ADGRB3: variants seen among roughly 807,000 people sequenced by gnomAD.
ADGRB3 encodes the protein brain-specific angiogenesis inhibitor 3.
A neutral mutation model predicts 193.4 loss-of-function variants in ADGRB3; 37 were observed. That is an observed-to-expected ratio of 0.19 (90% confidence interval 0.15 to 0.25). The LOEUF (loss-of-function observed/expected upper bound fraction) is 0.25, where lower values mean the gene tolerates loss of function less well. Among genes scored for constraint, ADGRB3 ranks in the 10% least tolerant of loss-of-function variants. The pLI is 1.00. For missense variants in ADGRB3, 1,637 were observed against 1,852.9 expected (o/e 0.88, Z 2.14); for synonymous variants, 690 against 644.2 (o/e 1.07, Z -1.08).
At chr6:69,304,890 A>C (rs1164362246) in intron 20 of ADGRB3, among the ~76,000 whole-genome samples, 2 of 151,532 alleles carry the variant, frequency 1.3e-5, no homozygotes, top group African/African-American at 2.4e-5. Flanking sequence ...CTGGTCTCCA[A>C]ATCTGTGGTG....
chr6:68,849,324 T>C (rs2127390313), intron 3 of ADGRB3, among the ~76,000 whole-genome samples: 1 of 151,838 alleles, frequency 6.6e-6, no homozygotes, highest in South Asian at 2.1e-4. Flanking sequence ...AAGCTACACA[T>C]TTAAGTTAAA....
chr6:69,078,013 T>G (rs971213536), intron 17 of ADGRB3, among the ~76,000 whole-genome samples: 3 of 151,996 alleles, frequency 2.0e-5, no homozygotes, highest in African/African-American at 7.2e-5. Flanking sequence ...TTCTTCTATT[T>G]TGACTATATT....
chr6:68,657,230 A>C (rs146238837), intron 3 of ADGRB3, among the ~76,000 whole-genome samples: 1 of 151,564 alleles, frequency 6.6e-6, no homozygotes, highest in East Asian at 1.9e-4. Flanking sequence ...ATTTATCAAA[A>C]AATTTCCCCA....
chr6:68,966,408 A>G (rs544895276), intron 8 of ADGRB3, among the ~76,000 whole-genome samples: 55 of 152,092 alleles, frequency 3.6e-4, no homozygotes, highest in Non-Finnish European at 4.6e-4. Flanking sequence ...ACCTCATCAT[A>G]TATTACCCCT....
At chr6:68,670,734 C>G (rs892733928) in intron 3 of ADGRB3, among the ~76,000 whole-genome samples, 1 of 151,836 alleles carries the variant, frequency 6.6e-6, no homozygotes, top group Non-Finnish European at 1.5e-5. Flanking sequence ...ATAGCTTTAG[C>G]TTTTCTGGGT....
intron 19 of ADGRB3, 100 bp downstream of exon 19, chr6:69,235,235 A>G: frequency 2.2e-6 from 2 of 925,240 alleles, no homozygotes; most frequent in South Asian, 1.6e-5. Context: ...TTCTTAATTT[A>G]CTGAAAGCAG....
intron 17 of ADGRB3, among the ~76,000 whole-genome samples, chr6:69,231,273 A>AT (rs1171701123): frequency 6.6e-6 from 1 of 152,240 alleles, no homozygotes. Flanking sequence ...ATGAAGTCTG[A>AT]TTACATGGAT....
In ADGRB3 at chr6:69,079,503, T is replaced by A. The variant is rs542633656; in HGVS notation, c.2480+3465T>A. Reference sequence around the variant, plus strand: ...GGGCAAAAGCTAGAAGCATTCCCTTTGAAAACTGGCACAAGACAAGGATGC... The same window carrying A: ...GGGCAAAAGCTAGAAGCATTCCCTTAGAAAACTGGCACAAGACAAGGATGC... On this transcript the variant is annotated intron_variant, in intron 17 of 31. Coordinates refer to ENST00000370598, the MANE Select transcript of ADGRB3 (RefSeq NM_001704.3). 3.9e-5 allele frequency among the ~76,000 whole-genome samples: 6 copies of A among 152,204 alleles called. No homozygotes were observed. The East Asian group carries it at 1.2e-3, about 29-fold the overall frequency.
At position 69,018,494 on chromosome 6, in the gene ADGRB3, A is replaced by G; in HGVS notation, c.2102A>G (p.Asn701Ser). The G allele has an allele frequency of 6.3e-7, 1 of 1,596,006 alleles. No individual in the cohort carries two copies. The highest frequency in any genetic ancestry group is 2.2e-5 in the East Asian group (1 of 44,566). Reference sequence around the variant, plus strand: ...CAGAATTCATACTTAATGACTGGAAATGTAGGTAAGAAATAGGATTTTCCC... The same window carrying G: ...CAGAATTCATACTTAATGACTGGAAGTGTAGGTAAGAAATAGGATTTTCCC... ...DFQNSYLMTGNVVASIQKLPA... is the reference protein window; with the variant it reads ...DFQNSYLMTGSVVASIQKLPA... Residue 701 changes from asparagine (N) to serine (S), a missense_variant, in exon 13 of 32, where the codon AAT becomes AGT. This residue lies in a region of ADGRB3 where 641 missense variants were observed against 673.9 expected (regional missense o/e 0.95). Coordinates refer to ENST00000370598, the MANE Select transcript of ADGRB3 (RefSeq NM_001704.3).
At chr6:69,229,574 G>A (rs1012046003) in intron 17 of ADGRB3, among the ~76,000 whole-genome samples, 1 of 152,130 alleles carries the variant, frequency 6.6e-6, no homozygotes, top group Non-Finnish European at 1.5e-5. Flanking sequence ...TTATTATGAA[G>A]AGAATAAACA....
intron 3 of ADGRB3, among the ~76,000 whole-genome samples, chr6:68,799,254 G>T (rs1265064296): frequency 6.6e-6 from 1 of 151,874 alleles, no homozygotes; most frequent in African/African-American, 2.4e-5. Context: ...AGGAAGGGAA[G>T]AAAAAGTTAT....
At chr6:69,180,572 A>T (rs1012964612) in intron 17 of ADGRB3, among the ~76,000 whole-genome samples, 2 of 152,132 alleles carry the variant, frequency 1.3e-5, no homozygotes, top group East Asian at 3.9e-4. Context: ...CTGCTCCATC[A>T]TTATCTCAGG....
At chr6:68,745,558 G>C (rs1766067722) in intron 3 of ADGRB3, among the ~76,000 whole-genome samples, 1 of 151,928 alleles carries the variant, frequency 6.6e-6, no homozygotes, top group East Asian at 1.9e-4. Context: ...AGTAAAGTTT[G>C]TTATGTGTTT....
rs1173842970 is a variant in ADGRB3, at chr6:68,723,688, T to C, written c.757+84256T>C. ...AATTGCTGAGATAGAATACGACGTA[T>C]AGTTTCAAATATTAGTATTTACTAT... On this transcript the variant is annotated intron_variant, in intron 3 of 31. Transcript: ENST00000370598. Among the ~76,000 whole-genome samples, 3 of 151,726 alleles carry C rather than the reference T, an allele frequency of 2.0e-5. No homozygotes were observed. The Admixed American group carries it at 2.0e-4, about 10-fold the overall frequency.
chr6:68,967,953 C>T (rs1768432864), intron 8 of ADGRB3, among the ~76,000 whole-genome samples: 1 of 152,064 alleles, frequency 6.6e-6, no homozygotes, highest in South Asian at 2.1e-4. Context: ...TCTGAGGTTG[C>T]AGTCGGCCTG....
intron 20 of ADGRB3, among the ~76,000 whole-genome samples, chr6:69,258,301 T>C (rs957611587): frequency 5.3e-5 from 8 of 152,342 alleles, no homozygotes; most frequent in African/African-American, 1.9e-4. Context: ...TTGGCCATGA[T>C]TATTTCTGTT....
intron 13 of ADGRB3, among the ~76,000 whole-genome samples, chr6:69,046,990 T>C (rs1771255163): frequency 3.3e-5 from 5 of 152,174 alleles, no homozygotes; most frequent in Admixed American, 3.3e-4. Context: ...CCCGAGTAGC[T>C]GGGACTACAG....
intron 30 of ADGRB3, among the ~76,000 whole-genome samples, chr6:69,380,840 G>T (rs1282204631): frequency 6.6e-6 from 1 of 151,846 alleles, no homozygotes; most frequent in East Asian, 1.9e-4. Flanking sequence ...ATCATTACCT[G>T]AGCATCTAGC....
chr6:69,382,341 G>C (rs1159757712), intron 30 of ADGRB3, among the ~76,000 whole-genome samples: 1 of 151,896 alleles, frequency 6.6e-6, no homozygotes, highest in Non-Finnish European at 1.5e-5. Context: ...TTAATGCTTT[G>C]ATTCAGCCTT....
Sources: allele counts gnomAD v4.1 joint callset (sites outside exome capture counted in the v4.1 genomes callset), GRCh38; gene constraint gnomAD v4.1.1; regional missense constraint gnomAD v4.1.1; transcripts MANE v1.5; gene names NCBI Gene and HGNC (gene_info 2026-07-23, HGNC 2026-07-21).